Variants in TLN2 observed in about 807,000 individuals in gnomAD.
TLN2 encodes talin 2, also known as talin-2.
A neutral mutation model predicts 294.7 loss-of-function variants in TLN2; 118 were observed. The ratio of observed to expected loss-of-function variants is 0.40; its 90% CI spans 0.34 to 0.47. The LOEUF (loss-of-function observed/expected upper bound fraction) is 0.47, where lower values mean the gene tolerates loss of function less well. TLN2 is among the 20% of genes least tolerant of loss of function. TLN2 has a pLI of 0.84. For synonymous variants in TLN2, 1,431 were observed against 1,304.5 expected (o/e 1.10, Z -2.09); for missense variants, 3,083 against 3,282.2 (o/e 0.94, Z 1.48).
intron 1 of TLN2, among the ~76,000 whole-genome samples, chr15:62,456,531 T>A (rs1466294072): frequency 6.6e-6 from 1 of 152,170 alleles, no homozygotes; most frequent in Non-Finnish European, 1.5e-5. Flanking sequence ...AAATGATTCT[T>A]GGTATTCAGA....
chr15:62,651,374 A>T (rs1177292944), intron 5 of TLN2, among the ~76,000 whole-genome samples: 1 of 151,814 alleles, frequency 6.6e-6, no homozygotes, highest in South Asian at 2.1e-4. Flanking sequence ...ATTGAAGGTG[A>T]CTCTAGGTGA....
intron 1 of TLN2, among the ~76,000 whole-genome samples, chr15:62,429,852 G>A (rs2034921182): frequency 6.6e-6 from 1 of 152,172 alleles, no homozygotes; most frequent in African/African-American, 2.4e-5. Context: ...CCATAATAAT[G>A]TAATTGAGAT....
chr15:62,836,158 A>G lies in TLN2; in HGVS notation c.7374+85A>G, dbSNP rs770770081. ...AGGGGACAAGCCTCACTTCCTTGGCATGACCCACCAGGCCTTCCATCAGCC... is the reference window on the plus strand; with the variant it reads ...AGGGGACAAGCCTCACTTCCTTGGCGTGACCCACCAGGCCTTCCATCAGCC... On this transcript the variant is annotated intron_variant, in intron 57 of 58. Coordinates refer to ENST00000636159, the MANE Select transcript of TLN2 (RefSeq NM_015059.3). 9.9e-6 allele frequency: 15 copies of G among 1,518,188 alleles called. No homozygotes were observed. The South Asian group carries it at 1.6e-4, about 16-fold the overall frequency. The allele number at this position is 1,518,188 out of a possible 1,614,324, so 94.0% of individuals were successfully genotyped here.
intron 12 of TLN2, among the ~76,000 whole-genome samples, chr15:62,692,125 ATT>A (rs1462515810): frequency 1.3e-5 from 2 of 151,996 alleles, no homozygotes; most frequent in African/African-American, 4.8e-5. Flanking sequence ...TTCTGGACTG[ATT>A]TTTTCTTTTG....
chr15:62,829,889 A>ATGTT (rs1215562943), intron 54 of TLN2: 7 of 152,124 alleles, frequency 4.6e-5, no homozygotes, highest in South Asian at 2.1e-4. Flanking sequence ...GGAACATACA[A>ATGTT]TGTTTGTCTT....
intron 9 of TLN2, among the ~76,000 whole-genome samples, chr15:62,662,380 A>G (rs931031992): frequency 6.6e-6 from 1 of 152,238 alleles, no homozygotes; most frequent in African/African-American, 2.4e-5. Flanking sequence ...TCAGAAAATA[A>G]AAAAGTAAAG....
Position 62,404,532 on chromosome 15 carries a change from A to C in TLN2, c.-238+13847A>C, listed in dbSNP as rs564214647. The stretch of plus-strand genomic sequence containing the variant: ...CGCTGCTTTCAGACACCCAGGTTAA[A>C]AGATCCCCAAAGCATTCTCGTCCTG... On this transcript the variant is annotated intron_variant, in intron 1 of 58. Transcript: ENST00000636159. Among the ~76,000 whole-genome samples the C allele has an allele frequency of 3.3e-5, 5 of 152,232 alleles. No homozygotes were observed. In the East Asian group the frequency reaches 9.7e-4, roughly 29 times the overall value.
At chr15:62,686,865 G>C in intron 12 of TLN2, 69 bp downstream of exon 12, 4 of 1,573,818 alleles carry the variant, frequency 2.5e-6, no homozygotes, top group Non-Finnish European at 3.4e-6. Flanking sequence ...ACAGGAGAAA[G>C]ACCAGATTCT....
rs1364599566 is a variant in TLN2 at position 62,392,531 on chromosome 15, G to A, written c.-238+1846G>A. Among the ~76,000 whole-genome samples, 7 of 152,204 alleles carry A rather than the reference G, an allele frequency of 4.6e-5. No individual in the cohort carries two copies. In the East Asian group the frequency reaches 1.2e-3, roughly 25 times the overall value. ...AGGCAGCGACCTCTCTGGAGTGAGG[G>A]GGAAGCGGGAGTGGGGAATCTTTAC... On this transcript the variant is annotated intron_variant, in intron 1 of 58. Transcript: ENST00000636159.
intron 1 of TLN2, among the ~76,000 whole-genome samples, chr15:62,506,327 T>A (rs1039480853): frequency 6.6e-6 from 1 of 152,206 alleles, no homozygotes; most frequent in Non-Finnish European, 1.5e-5. Context: ...AGACCTTTTT[T>A]GGGTGTGATG....
At chr15:62,550,034 G>A (rs1414149686) in intron 1 of TLN2, among the ~76,000 whole-genome samples, 1 of 152,146 alleles carries the variant, frequency 6.6e-6, no homozygotes, top group African/African-American at 2.4e-5. Context: ...CCAGTCTGGG[G>A]TAAGAATTCA....
chr15:62,498,629 G>A (rs1275742036), intron 1 of TLN2, among the ~76,000 whole-genome samples: 1 of 152,140 alleles, frequency 6.6e-6, no homozygotes, highest in South Asian at 2.1e-4. Flanking sequence ...CCGTAAGTCT[G>A]ATGATATCCC....
chr15:62,680,563 T>C (rs562775416), intron 11 of TLN2, among the ~76,000 whole-genome samples: 1 of 151,956 alleles, frequency 6.6e-6, no homozygotes, highest in African/African-American at 2.4e-5. Context: ...AAAAAAAAAA[T>C]TGTATACCTA....
chr15:62,496,778 T>C (rs2039038675), intron 1 of TLN2, among the ~76,000 whole-genome samples: 1 of 152,240 alleles, frequency 6.6e-6, no homozygotes, highest in Non-Finnish European at 1.5e-5. Flanking sequence ...TCGTCTCTGT[T>C]ATGGATCGCG....
At chr15:62,586,366 A>G in intron 1 of TLN2, among the ~76,000 whole-genome samples, 1 of 152,204 alleles carries the variant, frequency 6.6e-6, no homozygotes, top group Admixed American at 6.5e-5. Flanking sequence ...TGTAGGGAAG[A>G]AGGAGCTGCC....
At chr15:62,781,348 C>A in intron 44 of TLN2, 107 bp downstream of exon 44, 1 of 786,190 alleles carries the variant, frequency 1.3e-6, no homozygotes, top group Non-Finnish European at 2.1e-6. Flanking sequence ...GCCCAGACCA[C>A]TCTCTAGTCC....
chr15:62,552,054 T>C (rs2042347436), intron 1 of TLN2, among the ~76,000 whole-genome samples: 1 of 152,212 alleles, frequency 6.6e-6, no homozygotes, highest in African/African-American at 2.4e-5. Context: ...GTCAGGTACT[T>C]CTTTGTTGTC....
chr15:62,825,174 G>C (rs1012757425), intron 54 of TLN2, among the ~76,000 whole-genome samples: 4 of 152,148 alleles, frequency 2.6e-5, no homozygotes. Context: ...TCTGTCAGGC[G>C]GGTTTCAAGA....
Position 62,573,132 on chromosome 15 carries a change from G to C in TLN2, c.-237-16555G>C, listed in dbSNP as rs1344103969. Among the ~76,000 whole-genome samples, 3 of 152,126 alleles carry C rather than the reference G, an allele frequency of 2.0e-5. No individual in the cohort carries two copies. In the East Asian group the frequency reaches 5.8e-4, roughly 29 times the overall value. ...TCCGGTGTTTATAACCACATCCTGAGCCAGGTGTGGTTTCCCCAGAAATGC... is the reference window on the plus strand; with the variant it reads ...TCCGGTGTTTATAACCACATCCTGACCCAGGTGTGGTTTCCCCAGAAATGC... On this transcript the variant is annotated intron_variant, in intron 1 of 58. Coordinates refer to ENST00000636159, the MANE Select transcript of TLN2 (RefSeq NM_015059.3).
Sources: gnomAD v4.1 joint callset for allele counts (sites outside exome capture counted in the v4.1 genomes callset) on GRCh38, gnomAD v4.1.1 for gene constraint, MANE v1.5 for transcripts, NCBI Gene and HGNC (gene_info 2026-07-23, HGNC 2026-07-21) for gene names.